The following CA10 variants were observed in gnomAD, a reference collection of about 807,000 sequenced individuals.
The protein encoded by CA10 is carbonic anhydrase 10 (inactive).
A neutral mutation model predicts 44.2 loss-of-function variants in CA10; 14 were observed. The observed-to-expected ratio is 0.32, with a 90% CI of 0.21 to 0.50. The LOEUF (loss-of-function observed/expected upper bound fraction) is 0.50. Ranked by LOEUF, CA10 falls within the 20% of genes least tolerant of loss-of-function variation. CA10 has a pLI of 0.99. For missense variants in CA10, 350 were observed against 409.7 expected (o/e 0.85, Z 1.26); for synonymous variants, 159 against 141.6 (o/e 1.12, Z -0.87).
upstream of CA10, chr17:52,159,646 G>A (rs1267302033): frequency 6.6e-6 from 1 of 152,078 alleles, no homozygotes; most frequent in Non-Finnish European, 1.5e-5. Context: ...GGCTCTCCAG[G>A]GCCCCAGGGG....
chr17:52,080,259 T>A (rs1987933363), intron 1 of CA10, among the ~76,000 whole-genome samples: 1 of 152,100 alleles, frequency 6.6e-6, no homozygotes, highest in Non-Finnish European at 1.5e-5. Flanking sequence ...GAGACCATCC[T>A]GGTTAACACG....
intron 3 of CA10, among the ~76,000 whole-genome samples, chr17:51,886,741 G>A (rs1012303863): frequency 1.3e-5 from 2 of 152,108 alleles, no homozygotes; most frequent in Admixed American, 6.5e-5. Flanking sequence ...TCACAGAATG[G>A]GCCAGAATTA....
chr17:51,811,726 A>T (rs1234004151), intron 3 of CA10, among the ~76,000 whole-genome samples: 2 of 152,202 alleles, frequency 1.3e-5, no homozygotes, highest in East Asian at 3.9e-4. Context: ...TGCTATTGTG[A>T]ATAGTGCCGC....
At chr17:51,951,776 C>G (rs1983493748) in intron 2 of CA10, among the ~76,000 whole-genome samples, 1 of 152,142 alleles carries the variant, frequency 6.6e-6, no homozygotes, top group South Asian at 2.1e-4. Flanking sequence ...CCATACTGAA[C>G]AAAATCTGAT....
intron 2 of CA10, among the ~76,000 whole-genome samples, chr17:51,985,814 C>G (rs1984813791): frequency 6.6e-6 from 1 of 151,926 alleles, no homozygotes; most frequent in Non-Finnish European, 1.5e-5. Context: ...TGAAAGACCT[C>G]TACAAGGAAA....
At chr17:51,845,810 TA>T in intron 3 of CA10, among the ~76,000 whole-genome samples, 1 of 152,352 alleles carries the variant, frequency 6.6e-6, no homozygotes, top group Non-Finnish European at 1.5e-5. Flanking sequence ...AGATTCTAAA[TA>T]AAGGGCGACT....
intron 2 of CA10, among the ~76,000 whole-genome samples, chr17:51,946,559 A>C (rs186339033): frequency 7.0e-4 from 106 of 152,140 alleles, no homozygotes; most frequent in African/African-American, 2.4e-3. Context: ...AGAGTCTGAC[A>C]TTTCCAGTGT....
chr17:51,776,691 A>T (rs968374959), intron 3 of CA10, among the ~76,000 whole-genome samples: 3 of 152,258 alleles, frequency 2.0e-5, no homozygotes, highest in Non-Finnish European at 4.4e-5. Flanking sequence ...AAAGCTTTCC[A>T]GTAACTGAAC....
chr17:51,999,682 G>A (rs1442770204), intron 2 of CA10, among the ~76,000 whole-genome samples: 1 of 152,036 alleles, frequency 6.6e-6, no homozygotes, highest in African/African-American at 2.4e-5. Context: ...TGAAAGCTGG[G>A]TATGGTGAGA....
rs1431566433 is a variant in CA10, at chr17:51,965,712, A to G, written c.137-34580T>C. On this transcript the variant is annotated intron_variant, in intron 2 of 8. Transcript: ENST00000451037. ...TAAGCATCAAAGGAACATACTCCAA[A>G]ATAATTAGAGCCATCTATCACAAAC... Among the ~76,000 whole-genome samples the G allele has an allele frequency of 3.3e-5, 5 of 152,012 alleles. 1 individual carries two copies. Among genetic ancestry groups the G allele is most frequent in the Admixed American group, 3.3e-4 (5 of 15,256 alleles).
At chr17:51,743,803 G>T (rs1466459210) in intron 4 of CA10, among the ~76,000 whole-genome samples, 1 of 152,146 alleles carries the variant, frequency 6.6e-6, no homozygotes, top group Non-Finnish European at 1.5e-5. Flanking sequence ...CCTCTCAAAG[G>T]ATAGCCAAAA....
intron 3 of CA10, among the ~76,000 whole-genome samples, chr17:51,795,363 T>G (rs1906666895): frequency 6.6e-6 from 1 of 152,220 alleles, no homozygotes; most frequent in African/African-American, 2.4e-5. Flanking sequence ...TTCTCACTAA[T>G]GTGTTCTGAT....
intron 3 of CA10, among the ~76,000 whole-genome samples, chr17:51,886,818 G>C (rs1300028056): frequency 6.6e-6 from 1 of 152,150 alleles, no homozygotes; most frequent in Non-Finnish European, 1.5e-5. Flanking sequence ...CTCTGTTTGA[G>C]CTTGGATATC....
intron 1 of CA10, among the ~76,000 whole-genome samples, chr17:52,105,120 T>C (rs1438293611): frequency 7.2e-6 from 1 of 138,390 alleles, no homozygotes; most frequent in Non-Finnish European, 1.6e-5. Flanking sequence ...TAGGGTCCAA[T>C]CACTGGCCCG....
chr17:51,810,950 C>T (rs180805721), intron 3 of CA10, among the ~76,000 whole-genome samples: 151 of 152,344 alleles, frequency 9.9e-4, no homozygotes, highest in Non-Finnish European at 1.6e-3. Flanking sequence ...CAGTGGCTTA[C>T]GCCTGTAATC....
chr17:51,873,771 T>A (rs1470373393), intron 3 of CA10, among the ~76,000 whole-genome samples: 1 of 152,206 alleles, frequency 6.6e-6, no homozygotes. Context: ...TCCACAGTGT[T>A]GTTCTGGGAG....
rs533993196 is a variant in CA10 at position 51,916,707 on chromosome 17, A to T, written c.279+14283T>A. On this transcript the variant is annotated intron_variant, in intron 3 of 8. Coordinates refer to ENST00000451037, the MANE Select transcript of CA10 (RefSeq NM_020178.5). The stretch of plus-strand genomic sequence containing the variant: ...TTATCAGCAGTATGAAAGCAGACTA[A>T]TACAAAGTTGTATTAAAAGAGGAAT... Among the ~76,000 whole-genome samples the T allele has an allele frequency of 1.9e-4, 29 of 152,306 alleles. No individual in the cohort carries two copies. The Middle Eastern group carries it at 0.01, about 54-fold the overall frequency.
chr17:51,641,438 T>G (rs1913084282), intron 6 of CA10, among the ~76,000 whole-genome samples: 1 of 152,162 alleles, frequency 6.6e-6, no homozygotes, highest in South Asian at 2.1e-4. Context: ...TTAGCCAAAT[T>G]TATCTTAGGT....
At position 51,931,063 on chromosome 17, in the gene CA10, A is replaced by G; in HGVS notation, c.206T>C (p.Val69Ala). Reference protein sequence around the residue: ...LCSVGKRQSPVNIETSHMIFD... With the variant: ...LCSVGKRQSPANIETSHMIFD... ...GATCATGTGACTGGTCTCTATGTTG[A>G]CTGGCGACTGCCGTTTCCCCACAGA... Residue 69 changes from valine to alanine, a missense_variant, in exon 3 of 9, where the codon GTC (valine) becomes GCC (alanine). Coordinates refer to ENST00000451037, the MANE Select transcript of CA10 (RefSeq NM_020178.5). The G allele has an allele frequency of 6.2e-7, 1 of 1,613,692 alleles. No individual in the cohort carries two copies. The highest frequency in any genetic ancestry group is 1.1e-5 in the South Asian group (1 of 91,060).
Sources: allele counts gnomAD v4.1 joint callset (sites outside exome capture counted in the v4.1 genomes callset), GRCh38; gene constraint gnomAD v4.1.1; transcripts MANE v1.5; gene names NCBI Gene and HGNC (gene_info 2026-07-23, HGNC 2026-07-21).